GRHL1: variants seen among roughly 807,000 people sequenced by gnomAD.
The protein encoded by GRHL1 is grainyhead like transcription factor 1.
Under a neutral mutation model 75.7 loss-of-function variants are expected in GRHL1, and 38 were observed. The ratio of observed to expected loss-of-function variants is 0.50; its 90% confidence interval spans 0.39 to 0.66. GRHL1 has a LOEUF of 0.66. Ranked by LOEUF, GRHL1 falls within the 30% of genes least tolerant of loss-of-function variation. The probability of loss-of-function intolerance (pLI) is 0.00; values close to 1 mark genes in which losing one functional copy is unlikely to be tolerated. For synonymous variants in GRHL1, 266 were observed against 279.4 expected (o/e 0.95, Z 0.48); for missense variants, 589 against 767.5 (o/e 0.77, Z 2.75).
rs79279764 is a variant in GRHL1 at position 9,981,670 on chromosome 2, G to T, written c.1111-4454G>T. Among the ~76,000 whole-genome samples, 1,154 of 152,324 alleles carry T rather than the reference G, an allele frequency of 7.6e-3. 13 individuals carry two copies. The highest frequency in any genetic ancestry group is 0.026 in the African/African-American group (1,100 of 41,574). The stretch of plus-strand genomic sequence containing the variant: ...CAGAAAAATAGTCGCTTCTGATTTA[G>T]ATAAGGGTATGAAAAGATATTTTAT... On this transcript the variant is annotated intron_variant, in intron 8 of 15. Coordinates refer to ENST00000324907, the MANE Select transcript of GRHL1 (RefSeq NM_198182.3).
At chr2:9,981,441 T>C (rs929826307) in intron 8 of GRHL1, among the ~76,000 whole-genome samples, 2 of 152,260 alleles carry the variant, frequency 1.3e-5, no homozygotes, top group African/African-American at 4.8e-5. Context: ...GATAAATTAA[T>C]GTCCAAGCAA....
intron 1 of GRHL1, among the ~76,000 whole-genome samples, chr2:9,953,425 T>C (rs1338264829): frequency 6.6e-6 from 1 of 152,248 alleles, no homozygotes; most frequent in Non-Finnish European, 1.5e-5. Flanking sequence ...GTATATTTCT[T>C]TATTTTCTTT....
At chr2:9,991,824 A>G (rs1668657133) in intron 10 of GRHL1, among the ~76,000 whole-genome samples, 183 bp from the exon 11 acceptor site, 1 of 152,248 alleles carries the variant, frequency 6.6e-6, no homozygotes, top group African/African-American at 2.4e-5. Context: ...TTTAGTGGAA[A>G]TACACACAAC....
Position 9,987,552 on chromosome 2 carries a change from TG to T in GRHL1, c.1269+1274del, listed in dbSNP as rs1668477281. Among the ~76,000 whole-genome samples, 1 of 152,090 alleles carries T rather than the reference TG, an allele frequency of 6.6e-6. No homozygotes were observed. Among genetic ancestry groups the T allele is most frequent in the Admixed American group, 6.5e-5 (1 of 15,278 alleles). ...TTCCCCAAAGGCCCTTCAATAAGCA[TG>T]GGGAAGGAGAGGTGCGGATTCTTCT... On this transcript the variant is annotated intron_variant, in intron 9 of 15. Coordinates refer to ENST00000324907, the MANE Select transcript of GRHL1 (RefSeq NM_198182.3). The surrounding 1 kb of genome is among the most constrained non-coding windows in gnomAD (Gnocchi z 4.2).
chr2:9,965,404 C>G (rs369326255), intron 8 of GRHL1, 23 bp downstream of exon 8: 2 of 1,317,258 alleles, frequency 1.5e-6, no homozygotes, highest in Non-Finnish European at 2.2e-6. Flanking sequence ...GTCTGGGCGC[C>G]TTATGTCCAG....
intron 2 of GRHL1, among the ~76,000 whole-genome samples, chr2:9,958,108 A>G (rs1338276662): frequency 6.6e-6 from 1 of 152,066 alleles, no homozygotes; most frequent in Non-Finnish European, 1.5e-5. Flanking sequence ...TTGTGTTTTC[A>G]GTAGCTTCTT....
rs897066697 is a variant in GRHL1 at position 9,987,686 on chromosome 2, C to T, written c.1269+1404C>T. On this transcript the variant is annotated intron_variant, in intron 9 of 15. Coordinates refer to ENST00000324907, the MANE Select transcript of GRHL1 (RefSeq NM_198182.3). The surrounding 1 kb of genome is among the most constrained non-coding windows in gnomAD (Gnocchi z 4.2). ...TTTTTATCTGGAGAAGAGAGGCTTA[C>T]TTTTGCCCAGTGCAGAGCCAGGGGC... 3.3e-5 allele frequency among the ~76,000 whole-genome samples: 5 copies of T among 152,160 alleles called. No homozygotes were observed. Among genetic ancestry groups the T allele is most frequent in the Non-Finnish European group, 5.9e-5 (4 of 68,018 alleles).
intron 8 of GRHL1, among the ~76,000 whole-genome samples, chr2:9,982,991 G>C (rs536214441): frequency 6.6e-6 from 1 of 151,662 alleles, no homozygotes; most frequent in South Asian, 2.1e-4. Flanking sequence ...GGGTCGCAGT[G>C]CTTAGTTAGG....
chr2:9,975,869 AG>A (rs2125225334), intron 8 of GRHL1, among the ~76,000 whole-genome samples: 1 of 152,244 alleles, frequency 6.6e-6, no homozygotes, highest in African/African-American at 2.4e-5. Flanking sequence ...CTGGGCAACA[AG>A]AAAAAAAACT....
Position 9,986,299 on chromosome 2 carries a change from T to C in GRHL1, c.1269+17T>C, listed in dbSNP as rs151157587. The stretch of plus-strand genomic sequence containing the variant: ...TGTGACAAGGTAAGATCGGCAGGGA[T>C]GCTTGGAACAAGTGTTTGAGACACA... On this transcript the variant is annotated intron_variant, in intron 9 of 15. Coordinates refer to ENST00000324907, the MANE Select transcript of GRHL1 (RefSeq NM_198182.3). 2 of 1,603,950 alleles carry C rather than the reference T, an allele frequency of 1.2e-6. No homozygotes were observed. The highest frequency in any genetic ancestry group is 1.7e-5 in the Admixed American group (1 of 58,550).
chr2:10,001,310 GA>G lies in GRHL1; in HGVS notation c.*605del, dbSNP rs941581195. The G allele has an allele frequency of 1.3e-5, 2 of 152,614 alleles. No individual in the cohort carries two copies. The highest frequency in any genetic ancestry group is 4.8e-5 in the African/African-American group (2 of 41,450). 9.5% of individuals were successfully genotyped at this position (152,614 alleles called of 1,614,324 possible). On this transcript the variant is annotated 3_prime_UTR_variant, in exon 16 of 16. Transcript: ENST00000324907. ...ACATATCAACTGCCTTTCTCATGAA[GA>G]ATTTTAATGGGTTACAGTATGAAAT...
At chr2:9,984,117 G>A (rs576793445) in intron 8 of GRHL1, among the ~76,000 whole-genome samples, 2 of 152,050 alleles carry the variant, frequency 1.3e-5, no homozygotes, top group South Asian at 4.1e-4. Context: ...AGCCGAGATT[G>A]CGCCATTGCA....
chr2:9,980,762 G>A (rs1328547007), intron 8 of GRHL1, among the ~76,000 whole-genome samples: 1 of 152,218 alleles, frequency 6.6e-6, no homozygotes, highest in Non-Finnish European at 1.5e-5. Context: ...AGAGAAGGAA[G>A]GTTGTAAATC....
intron 8 of GRHL1, among the ~76,000 whole-genome samples, chr2:9,969,842 CTTT>C (rs70948859): frequency 1.5e-5 from 2 of 129,518 alleles, no homozygotes; most frequent in Non-Finnish European, 3.2e-5. Flanking sequence ...AGTTAGCACA[CTTT>C]TTTTTTTTTT....
At position 9,998,492 on chromosome 2, in the gene GRHL1, G is replaced by GTGTATATACGTATATATACGTA. The variant is rs1553306840; in HGVS notation, c.1678-472_1678-471insGTATATACGTATATATACGTAT. Among the ~76,000 whole-genome samples, 2 of 21,388 alleles carry GTGTATATACGTATATATACGTA rather than the reference G, an allele frequency of 9.4e-5. 1 individual carries two copies. The highest frequency in any genetic ancestry group is 6.4e-4 in the African/African-American group (2 of 3,102). 14.0% of individuals were successfully genotyped at this position (21,388 alleles called of 152,430 possible). Reference sequence around the variant, plus strand: ...TACGTATATATATACATATATATACGTATATATACATATATATACGTATAT... The same window carrying GTGTATATACGTATATATACGTA: ...TACGTATATATATACATATATATACGTGTATATACGTATATATACGTATATATATACATATATATACGTATAT... On this transcript the variant is annotated intron_variant, in intron 14 of 15. Transcript: ENST00000324907.
intron 8 of GRHL1, among the ~76,000 whole-genome samples, chr2:9,973,510 A>G (rs1037090989): frequency 6.6e-6 from 1 of 152,190 alleles, no homozygotes; most frequent in Non-Finnish European, 1.5e-5. Context: ...AGTTTAAACT[A>G]TTTCCCACTC....
intron 2 of GRHL1, among the ~76,000 whole-genome samples, chr2:9,958,174 C>CTT (rs61051898): frequency 0.078 from 10,206 of 130,674 alleles, 1,091 homozygotes; most frequent in African/African-American, 0.24. Flanking sequence ...TTCTTTTTTT[C>CTT]TTTTTTTTTT....
At chr2:9,962,373 C>T in intron 4 of GRHL1, 82 bp from the exon 5 acceptor site, 2 of 800,798 alleles carry the variant, frequency 2.5e-6, no homozygotes, top group East Asian at 2.5e-5. Context: ...AAGCCACATA[C>T]TTTTATGCGG....
chr2:9,981,126 G>A (rs1034068375), intron 8 of GRHL1, among the ~76,000 whole-genome samples: 6 of 152,190 alleles, frequency 3.9e-5, no homozygotes, highest in Non-Finnish European at 8.8e-5. Context: ...TTCTACACTC[G>A]CCATATGTGT....
Sources: allele counts gnomAD v4.1 joint callset (sites outside exome capture counted in the v4.1 genomes callset), GRCh38; gene constraint gnomAD v4.1.1; non-coding constraint Gnocchi (gnomAD v3.1); transcripts MANE v1.5; gene names NCBI Gene and HGNC (gene_info 2026-07-23, HGNC 2026-07-21).